The following BAZ1A variants were observed in gnomAD, a reference collection of about 807,000 sequenced individuals.
The protein encoded by BAZ1A is bromodomain adjacent to zinc finger domain protein 1A.
Under a neutral mutation model 185.2 loss-of-function variants are expected in BAZ1A, and 50 were observed. That is an observed-to-expected ratio of 0.27 (90% CI 0.22 to 0.34). The LOEUF (loss-of-function observed/expected upper bound fraction) is 0.34. BAZ1A is among the 10% of genes least tolerant of loss of function. The pLI, the probability that BAZ1A is intolerant of heterozygous loss-of-function variation, is 1.00. For synonymous variants in BAZ1A, 571 were observed against 615.6 expected (o/e 0.93, Z 1.07); for missense variants, 1,356 against 1,839.9 (o/e 0.74, Z 4.81).
chr14:34,757,850 A>G (rs1443348692), intron 25 of BAZ1A, among the ~76,000 whole-genome samples: 1 of 148,962 alleles, frequency 6.7e-6, no homozygotes, highest in Non-Finnish European at 1.5e-5. Flanking sequence ...GGGTTCAAGT[A>G]ATTCTCCTGC....
intron 4 of BAZ1A, among the ~76,000 whole-genome samples, chr14:34,825,703 C>T (rs1166201053): frequency 1.3e-5 from 2 of 152,080 alleles, no homozygotes; most frequent in African/African-American, 2.4e-5. Flanking sequence ...TTTGAGGGGC[C>T]GAGGCAGGCA....
intron 4 of BAZ1A, among the ~76,000 whole-genome samples, chr14:34,814,460 A>G (rs1488936989): frequency 6.6e-6 from 1 of 151,972 alleles, no homozygotes; most frequent in African/African-American, 2.4e-5. Flanking sequence ...ACAGTCTAGA[A>G]AACTTGTATA....
In BAZ1A at chr14:34,774,386, T is replaced by C; in HGVS notation, c.2938A>G (p.Arg980Gly). 6.2e-7 allele frequency: 1 copy of C among 1,613,774 alleles called. No individual in the cohort carries two copies. The highest frequency in any genetic ancestry group is 8.5e-7 in the Non-Finnish European group (1 of 1,179,860). The change falls in exon 19 of 27, where the codon AGA becomes GGA. Residue 980 changes from arginine to glycine, a missense_variant. By Grantham distance (125) the Arg-to-Gly change is moderately radical. Transcript: ENST00000360310. The part of the protein sequence containing the change: ...CAEKQLELRL[R>G]DFLLDIEDRI... ...TCTTCAATATCTAAAAGAAAATCTC[T>C]CAGCCTTAGTTCAAGTTGCTTTTCT...
At chr14:34,844,205 C>CAAAAA (rs71121227) in intron 3 of BAZ1A, among the ~76,000 whole-genome samples, 2 of 109,830 alleles carry the variant, frequency 1.8e-5, no homozygotes, top group African/African-American at 7.5e-5. Flanking sequence ...GACTCCGTCT[C>CAAAAA]AAAAAAAAAA....
At chr14:34,853,348 T>C (rs2042626313) in intron 3 of BAZ1A, among the ~76,000 whole-genome samples, 1 of 152,206 alleles carries the variant, frequency 6.6e-6, no homozygotes, top group Non-Finnish European at 1.5e-5. Flanking sequence ...CTTTGCCAAG[T>C]AGTCAGCTAT....
intron 3 of BAZ1A, among the ~76,000 whole-genome samples, chr14:34,849,872 CTCTT>C (rs2042571043): frequency 6.6e-6 from 1 of 152,354 alleles, no homozygotes; most frequent in African/African-American, 2.4e-5. Flanking sequence ...CTGCCACAAA[CTCTT>C]TCAGCTCCCA....
At chr14:34,838,030 GAA>G (rs565355423) in intron 3 of BAZ1A, among the ~76,000 whole-genome samples, 46 of 151,102 alleles carry the variant, frequency 3.0e-4, no homozygotes, top group African/African-American at 1.0e-3. Context: ...CCTGAACAAT[GAA>G]AACGATTGTT....
At chr14:34,774,181 TA>T in intron 19 of BAZ1A, 145 bp downstream of exon 19, 1 of 592,068 alleles carries the variant, frequency 1.7e-6, no homozygotes, top group Non-Finnish European at 2.7e-6. Context: ...TGCAGGGGAA[TA>T]AACTTAAGTT....
intron 3 of BAZ1A, among the ~76,000 whole-genome samples, chr14:34,843,808 G>A (rs1238270602): frequency 6.6e-6 from 1 of 152,108 alleles, no homozygotes; most frequent in African/African-American, 2.4e-5. Context: ...TTAGGCTCTG[G>A]TGGTTTTATC....
At position 34,874,721 on chromosome 14, in the gene BAZ1A, G is replaced by A. The variant is rs988449474; in HGVS notation, c.-58-59C>T. 1 of 766,548 alleles carries A rather than the reference G, an allele frequency of 1.3e-6. No homozygotes were observed. The highest frequency in any genetic ancestry group is 1.9e-5 in the African/African-American group (1 of 53,824). The allele number at this position is 766,548 out of a possible 1,614,324, so 47.5% of individuals were successfully genotyped here. ...GGTGGGGAGCCCTCGGCGGCAGCGT[G>A]GGCCGGTCCGCGCGCTGGGAGAAGC... is the stretch of plus-strand genomic sequence containing the variant. On this transcript the variant is annotated intron_variant, in intron 1 of 26. Coordinates refer to ENST00000360310, the MANE Select transcript of BAZ1A (RefSeq NM_013448.3). This position sits in a 1 kb window ranked among gnomAD's most constrained non-coding sequence, Gnocchi z 4.7.
At chr14:34,816,962 T>C (rs1012290289) in intron 4 of BAZ1A, 5 of 283,926 alleles carry the variant, frequency 1.8e-5, no homozygotes, top group Middle Eastern at 1.2e-3. Context: ...AAAGGAACAA[T>C]AGCGGACAAT....
At chr14:34,782,926 G>A (rs1880140042) in intron 16 of BAZ1A, among the ~76,000 whole-genome samples, 193 bp downstream of exon 16, 1 of 152,208 alleles carries the variant, frequency 6.6e-6, no homozygotes, top group Admixed American at 6.5e-5. Flanking sequence ...GTACACCTGT[G>A]ATATTGGTGG....
intron 4 of BAZ1A, among the ~76,000 whole-genome samples, chr14:34,823,349 G>C (rs1361893202): frequency 1.4e-5 from 2 of 144,842 alleles, no homozygotes; most frequent in East Asian, 4.2e-4. Flanking sequence ...GTGAGACTCT[G>C]TCTCAAAAAA....
In BAZ1A at chr14:34,785,891, A is replaced by G; in HGVS notation, c.1717T>C (p.Tyr573His). The G allele has an allele frequency of 6.2e-7, 1 of 1,614,156 alleles. No individual in the cohort carries two copies. Among genetic ancestry groups the G allele is most frequent in the East Asian group, 2.2e-5 (1 of 44,872 alleles). Residue 573 changes from tyrosine to histidine, a missense_variant, in exon 14 of 27, where the codon TAT becomes CAT. Physicochemically the swap from Tyr to His is moderately conservative, Grantham distance 83. This residue lies in a region of BAZ1A where 184 missense variants were observed against 355.1 expected (regional missense o/e 0.52). Transcript: ENST00000360310. ...GCATCAAATCCTCCTCGTTTTTGAT[A>G]TCTATACTTTGCATTTGCTGATGTT... ...DVTSANAKYR[Y>H]QKRGGFDATD...
chr14:34,863,152 C>CTTTTT (rs71121233), intron 2 of BAZ1A, among the ~76,000 whole-genome samples: 2 of 44,704 alleles, frequency 4.5e-5, no homozygotes, highest in Non-Finnish European at 9.6e-5. Context: ...CCACGCTCGG[C>CTTTTT]TTTTTTTTTT....
rs368399149 is a variant in BAZ1A, at chr14:34,762,694, T to C, written c.3777-471A>G. Among the ~76,000 whole-genome samples the C allele has an allele frequency of 1.4e-4, 21 of 152,260 alleles. No individual in the cohort carries two copies. The East Asian group carries it at 1.9e-3, about 14-fold the overall frequency. On this transcript the variant is annotated intron_variant, in intron 23 of 26. Coordinates refer to ENST00000360310, the MANE Select transcript of BAZ1A (RefSeq NM_013448.3). ...TATGTTGCCCAGGCTGGTCTCAAAC[T>C]CCTGGACTCAGGCGATCTGCATGCC...
At chr14:34,790,168 CTTT>C (rs60291735) in intron 12 of BAZ1A, among the ~76,000 whole-genome samples, 2 of 140,666 alleles carry the variant, frequency 1.4e-5, no homozygotes, top group Non-Finnish European at 1.5e-5. Context: ...TAAATATTTT[CTTT>C]TTTTTTTTTT....
At chr14:34,784,298 G>A (rs1880260171) in intron 14 of BAZ1A, among the ~76,000 whole-genome samples, 1 of 144,384 alleles carries the variant, frequency 6.9e-6, no homozygotes, top group African/African-American at 2.6e-5. Flanking sequence ...AACCCGGGAG[G>A]CGGAGGTTGC....
In BAZ1A at chr14:34,840,170, T is replaced by C. The variant is rs17102793; in HGVS notation, c.393-14014A>G. On this transcript the variant is annotated intron_variant, in intron 3 of 26. Transcript: ENST00000360310. ...AGGTAGGTCTACTTGTTAGATCTCA[T>C]TGAAGTATAGATTGGTCCTGCCTAT... is the stretch of plus-strand genomic sequence containing the variant. Among the ~76,000 whole-genome samples the C allele has an allele frequency of 7.3e-3, 1,112 of 152,312 alleles. 15 individuals carry two copies. Among genetic ancestry groups the C allele is most frequent in the African/African-American group, 0.025 (1,042 of 41,572 alleles).
Sources: gnomAD v4.1 joint callset for allele counts (sites outside exome capture counted in the v4.1 genomes callset) on GRCh38, gnomAD v4.1.1 for gene constraint, gnomAD v4.1.1 regional missense constraint, Gnocchi (gnomAD v3.1) non-coding constraint, MANE v1.5 for transcripts, NCBI Gene and HGNC (gene_info 2026-07-23, HGNC 2026-07-21) for gene names.